ARHGEF18: variants seen among roughly 807,000 people sequenced by gnomAD.
The protein encoded by ARHGEF18 is rho guanine nucleotide exchange factor 18.
ARHGEF18 carries 93 observed loss-of-function variants against 155.7 expected under a neutral mutation model. That is an observed-to-expected ratio of 0.60 (90% CI 0.50 to 0.71). The LOEUF (loss-of-function observed/expected upper bound fraction) is 0.71. Ranked by LOEUF, ARHGEF18 falls within the 30% of genes least tolerant of loss-of-function variation. ARHGEF18 has a pLI of 0.00. For missense variants in ARHGEF18, 1,593 were observed against 1,816.1 expected (o/e 0.88, Z 2.23); for synonymous variants, 742 against 753.1 (o/e 0.99, Z 0.24).
intron 10 of ARHGEF18, among the ~76,000 whole-genome samples, chr19:7,402,494 T>C (rs957424151): frequency 2.6e-5 from 4 of 152,132 alleles, no homozygotes; most frequent in Non-Finnish European, 2.9e-5. Flanking sequence ...CTAAGAACCA[T>C]TGAATTGGAT....
intron 1 of ARHGEF18, among the ~76,000 whole-genome samples, chr19:7,353,968 A>AAAAAAG (rs1555696851): frequency 1.7e-4 from 25 of 150,848 alleles, no homozygotes; most frequent in African/African-American, 5.9e-4. Context: ...AAAAAAAAAA[A>AAAAAAG]AAAGAAAGAA....
chr19:7,466,875 G>A, intron 23 of ARHGEF18, 43 bp from the exon 24 acceptor site: 2 of 1,583,540 alleles, frequency 1.3e-6, no homozygotes, highest in South Asian at 2.2e-5. Flanking sequence ...AGTCGGATGG[G>A]TCTTGAGCCA....
In ARHGEF18 at chr19:7,467,256, G is replaced by A. The variant is rs781269382; in HGVS notation, c.3052G>A (p.Ala1018Thr). Residue 1018 changes from alanine to threonine, a missense_variant, in exon 26 of 29, where the codon GCT becomes ACT. Coordinates refer to ENST00000668164, the MANE Select transcript of ARHGEF18 (RefSeq NM_001367823.1). ...HQDSYVETQR[A>T]AIQEREKQFR... is the part of the protein sequence containing the mutation. ...GGACAGCTATGTGGAGACGCAGCGG[G>A]CTGCCATCCAGGAGCGGGAGAAGCA... The A allele has an allele frequency of 2.5e-6, 4 of 1,570,538 alleles. No individual in the cohort carries two copies. In the South Asian group the frequency reaches 3.4e-5, roughly 13 times the overall value.
chr19:7,409,099 G>A (rs562393676), intron 10 of ARHGEF18, among the ~76,000 whole-genome samples: 71 of 131,852 alleles, frequency 5.4e-4, no homozygotes, highest in Non-Finnish European at 9.4e-4. Context: ...TCGCTCTGTC[G>A]CCCAGGCTGG....
rs952998726 is a variant in ARHGEF18 at position 7,433,344 on chromosome 19, G to A, written c.968-7000G>A. Among the ~76,000 whole-genome samples the A allele has an allele frequency of 2.6e-5, 4 of 151,704 alleles. No individual in the cohort carries two copies. In the South Asian group the frequency reaches 8.3e-4, roughly 32 times the overall value. On this transcript the variant is annotated intron_variant, in intron 10 of 28. Transcript: ENST00000668164. ...TAGCTGGGTGTGGTTGGACACACCT[G>A]TAGTCCCAGCTACTCGGGAGGCTGA...
In ARHGEF18 at chr19:7,350,980, T is replaced by C. The variant is rs1203043933; in HGVS notation, c.-111+1739T>C. 3.3e-5 allele frequency among the ~76,000 whole-genome samples: 5 copies of C among 152,012 alleles called. No homozygotes were observed. In the East Asian group the frequency reaches 9.7e-4, roughly 29 times the overall value. On this transcript the variant is annotated intron_variant, in intron 1 of 28. Coordinates refer to ENST00000668164, the MANE Select transcript of ARHGEF18 (RefSeq NM_001367823.1). Reference sequence around the variant, plus strand: ...CTCCATGCCCAGCTAATTTTTGTATTTTTAGTAGAGACAGGGTTTCACCAT... The same window carrying C: ...CTCCATGCCCAGCTAATTTTTGTATCTTTAGTAGAGACAGGGTTTCACCAT...
chr19:7,449,229 G>C (rs930101916), intron 15 of ARHGEF18, among the ~76,000 whole-genome samples: 1 of 152,050 alleles, frequency 6.6e-6, no homozygotes, highest in Non-Finnish European at 1.5e-5. Context: ...CTATGCTCCC[G>C]AGAGAGTGTC....
rs532103030 is a variant in ARHGEF18, at chr19:7,403,645, C to T, written c.967+20442C>T. On this transcript the variant is annotated intron_variant, in intron 10 of 28. Transcript: ENST00000668164. Reference sequence around the variant, plus strand: ...CTTGACGTCCTGGGCGCAAGCAATCCTCCCGCTTTGTCCTCCTAAGTAGCT... The same window carrying T: ...CTTGACGTCCTGGGCGCAAGCAATCTTCCCGCTTTGTCCTCCTAAGTAGCT... Among the ~76,000 whole-genome samples, 5 of 151,836 alleles carry T rather than the reference C, an allele frequency of 3.3e-5. No homozygotes were observed. In the South Asian group the frequency reaches 1.0e-3, roughly 31 times the overall value.
chr19:7,393,660 T>A (rs942633164), intron 10 of ARHGEF18, among the ~76,000 whole-genome samples: 2 of 151,828 alleles, frequency 1.3e-5, no homozygotes, highest in Non-Finnish European at 2.9e-5. Flanking sequence ...AATTGAGAGG[T>A]TGCTGGTGCT....
At chr19:7,442,725 A>C (rs1469833257) in intron 13 of ARHGEF18, among the ~76,000 whole-genome samples, 1 of 152,202 alleles carries the variant, frequency 6.6e-6, no homozygotes, top group Non-Finnish European at 1.5e-5. Context: ...CACCATACAC[A>C]GGGTGGCTTA....
chr19:7,437,005 G>T (rs1437866795), intron 10 of ARHGEF18, among the ~76,000 whole-genome samples: 1 of 152,202 alleles, frequency 6.6e-6, no homozygotes, highest in Non-Finnish European at 1.5e-5. Context: ...GAGTATATGT[G>T]CAATGTGCTG....
rs1355005976 is a variant in ARHGEF18 at position 7,456,404 on chromosome 19, G to T, written c.2181+1G>T. 1 of 1,613,750 alleles carries T rather than the reference G, an allele frequency of 6.2e-7. No individual in the cohort carries two copies. The highest frequency in any genetic ancestry group is 8.5e-7 in the Non-Finnish European group (1 of 1,179,706). On this transcript the variant is annotated splice_donor_variant, in intron 18 of 28. Coordinates refer to ENST00000668164, the MANE Select transcript of ARHGEF18 (RefSeq NM_001367823.1). LOFTEE classifies it high-confidence loss of function. ...TCAGAAATACGTCTTTGCTTCTGTG[G>T]TATGTATCCTGTCTCTTCAGACGAA...
rs745951361 is a variant in ARHGEF18, at chr19:7,444,442, C to T, written c.1599C>T (p.Leu533=). Residue 533 remains leucine, a synonymous_variant, in exon 14 of 29, where the codon CTC becomes CTT. Coordinates refer to ENST00000668164, the MANE Select transcript of ARHGEF18 (RefSeq NM_001367823.1). The surrounding 1 kb of genome is among the most constrained non-coding windows in gnomAD (Gnocchi z 4.7). ...RNYVIQKIGD[L]LVQQFSGENG... is the part of the protein sequence containing the mutation. ...ATGTCATCCAGAAAATCGGCGACCT[C>T]CTGGTTCAGCAGGTGGGTGCAGCCG... 6.2e-7 allele frequency: 1 copy of T among 1,613,522 alleles called. No homozygotes were observed. Among genetic ancestry groups the T allele is most frequent in the Admixed American group, 1.7e-5 (1 of 60,018 alleles).
intron 10 of ARHGEF18, among the ~76,000 whole-genome samples, chr19:7,417,156 C>T (rs553093433): frequency 4.6e-5 from 7 of 152,192 alleles, no homozygotes; most frequent in African/African-American, 1.4e-4. Context: ...GTGATCCACC[C>T]GCCTCAGCCA....
chr19:7,399,593 G>A (rs974932020), intron 10 of ARHGEF18, among the ~76,000 whole-genome samples: 1 of 151,376 alleles, frequency 6.6e-6, no homozygotes, highest in South Asian at 2.1e-4. Context: ...CCATTCTCCT[G>A]CCTCAGCCTA....
intron 10 of ARHGEF18, among the ~76,000 whole-genome samples, chr19:7,390,972 A>G (rs1971370710): frequency 6.6e-6 from 1 of 152,058 alleles, no homozygotes; most frequent in Non-Finnish European, 1.5e-5. Flanking sequence ...CCCGGGAAGC[A>G]GAGGTTGCAG....
chr19:7,474,585 C>A (rs572586206), downstream of ARHGEF18, among the ~76,000 whole-genome samples: 1 of 152,026 alleles, frequency 6.6e-6, no homozygotes, highest in African/African-American at 2.4e-5. Flanking sequence ...ACCATGTTGA[C>A]CAGGCTGGTC....
chr19:7,403,156 G>A (rs544988971), intron 10 of ARHGEF18, among the ~76,000 whole-genome samples: 7 of 152,166 alleles, frequency 4.6e-5, no homozygotes, highest in Non-Finnish European at 7.3e-5. Context: ...TGGGGCTACA[G>A]GTGCAGGCCT....
intron 2 of ARHGEF18, among the ~76,000 whole-genome samples, chr19:7,367,544 C>T (rs984942833): frequency 1.3e-5 from 2 of 151,416 alleles, no homozygotes; most frequent in African/African-American, 2.4e-5. Context: ...GTCAGGAGTT[C>T]GAGACCAGTC....
Sources: gnomAD v4.1 joint callset for allele counts (sites outside exome capture counted in the v4.1 genomes callset) on GRCh38, gnomAD v4.1.1 for gene constraint, Gnocchi (gnomAD v3.1) non-coding constraint, MANE v1.5 for transcripts, NCBI Gene and HGNC (gene_info 2026-07-23, HGNC 2026-07-21) for gene names.